Variants in PTPRQ observed in about 807,000 individuals in gnomAD.
The protein encoded by PTPRQ is phosphatidylinositol phosphatase PTPRQ.
PTPRQ carries 199 observed loss-of-function variants against 246.0 expected under a neutral mutation model. That is an observed-to-expected ratio of 0.81 (90% CI 0.72 to 0.91). The LOEUF (loss-of-function observed/expected upper bound fraction) is 0.91, where lower values mean the gene tolerates loss of function less well. Ranked by LOEUF, PTPRQ falls within the 40% of genes least tolerant of loss-of-function variation. PTPRQ has a pLI of 0.00. For missense variants in PTPRQ, 2,624 were observed against 2,528.4 expected, an observed-to-expected ratio of 1.04 and a Z score of -0.81; for synonymous variants, 869 against 853.2, an observed-to-expected ratio of 1.02 and a Z score of -0.32.
chr12:80,519,939 T>C (rs1312746136), intron 17 of PTPRQ, among the ~76,000 whole-genome samples: 2 of 152,076 alleles, frequency 1.3e-5, no homozygotes, highest in African/African-American at 4.8e-5. Context: ...TGTTTTAATA[T>C]TGCTTATCTT....
At chr12:80,615,165 A>G (rs1197905292) in intron 29 of PTPRQ, among the ~76,000 whole-genome samples, 1 of 150,976 alleles carries the variant, frequency 6.6e-6, no homozygotes, top group Admixed American at 6.6e-5. Flanking sequence ...AAAATAATGG[A>G]CCATACTATA....
intron 8 of PTPRQ, among the ~76,000 whole-genome samples, chr12:80,480,791 C>T (rs901424737): frequency 1.3e-5 from 2 of 152,146 alleles, no homozygotes; most frequent in African/African-American, 4.8e-5. Flanking sequence ...GAATAAATTC[C>T]TCGACACATA....
At chr12:80,558,137 T>TTTCTTTCTTTCCTTTCCTTTC (rs1896708068) in intron 25 of PTPRQ, among the ~76,000 whole-genome samples, 1 of 128,544 alleles carries the variant, frequency 7.8e-6, no homozygotes, top group African/African-American at 3.8e-5. Flanking sequence ...TCTTTTCTTT[T>TTTCTTTCTTTCCTTTCCTTTC]CTTTTCTTTT....
chr12:80,669,338 G>C lies in PTPRQ; in HGVS notation c.6328-1G>C. The C allele has an allele frequency of 1.9e-6, 3 of 1,549,368 alleles. No individual in the cohort carries two copies. Among genetic ancestry groups the C allele is most frequent in the Non-Finnish European group, 2.6e-6 (3 of 1,145,874 alleles). On this transcript the variant is annotated splice_acceptor_variant, in intron 40 of 44. Coordinates refer to ENST00000644991, the MANE Select transcript of PTPRQ (RefSeq NM_001145026.2). LOFTEE classifies it high-confidence loss of function. ...TGACTGATGATTTTCTCTGAATGCA[G>C]ATCAGATGCCATCAGTATTGGCCAG...
At chr12:80,542,942 T>C in intron 23 of PTPRQ, 61 bp downstream of exon 23, 2 of 1,184,810 alleles carry the variant, frequency 1.7e-6, no homozygotes, top group Non-Finnish European at 2.3e-6. Context: ...TTAAAATCTT[T>C]TGACATATAG....
intron 25 of PTPRQ, among the ~76,000 whole-genome samples, chr12:80,568,632 A>C (rs1897049253): frequency 6.6e-6 from 1 of 152,212 alleles, no homozygotes; most frequent in African/African-American, 2.4e-5. Context: ...TGTTATATTC[A>C]AATTTCATTT....
chr12:80,487,509 C>T (rs61950957), intron 9 of PTPRQ, among the ~76,000 whole-genome samples: 52 of 152,056 alleles, frequency 3.4e-4, no homozygotes, highest in Non-Finnish European at 6.3e-4. Flanking sequence ...TCTAAGAAAC[C>T]ATGGTCCAGA....
chr12:80,587,238 T>G (rs1031701436), intron 25 of PTPRQ, among the ~76,000 whole-genome samples: 1 of 152,206 alleles, frequency 6.6e-6, no homozygotes, highest in African/African-American at 2.4e-5. Flanking sequence ...TTTATTAATT[T>G]TCTTATTTTA....
intron 34 of PTPRQ, among the ~76,000 whole-genome samples, chr12:80,633,854 A>G (rs1215670944): frequency 6.6e-6 from 1 of 152,080 alleles, no homozygotes; most frequent in African/African-American, 2.4e-5. Context: ...CTGACTTCTC[A>G]TTTCTCTACA....
chr12:80,654,342 C>A (rs563302558), intron 38 of PTPRQ, among the ~76,000 whole-genome samples: 22 of 152,288 alleles, frequency 1.4e-4, no homozygotes, highest in African/African-American at 5.3e-4. Flanking sequence ...TTTTTCAACG[C>A]ATCCTTTTAT....
At chr12:80,506,419 T>A in intron 15 of PTPRQ, 150 bp from the exon 16 acceptor site, 1 of 812,988 alleles carries the variant, frequency 1.2e-6, no homozygotes, top group East Asian at 2.7e-5. Context: ...TTTGTCTTCA[T>A]AAATAAGAGC....
chr12:80,544,521 G>A (rs1029128905), intron 23 of PTPRQ, among the ~76,000 whole-genome samples: 5 of 152,100 alleles, frequency 3.3e-5, no homozygotes, highest in Non-Finnish European at 4.4e-5. Flanking sequence ...CATCATTTGG[G>A]ATGGGCAGTA....
At chr12:80,517,617 T>A (rs933646422) in intron 17 of PTPRQ, among the ~76,000 whole-genome samples, 1 of 152,038 alleles carries the variant, frequency 6.6e-6, no homozygotes, top group African/African-American at 2.4e-5. Flanking sequence ...TCTATTTTTT[T>A]ATACCCATTA....
At chr12:80,657,842 A>G (rs964067265) in intron 38 of PTPRQ, 143 bp from the exon 39 acceptor site, 3 of 470,954 alleles carry the variant, frequency 6.4e-6, no homozygotes, top group African/African-American at 6.2e-5. Context: ...GAAATATGGG[A>G]GAAGAAATAA....
rs1344649121 is a variant in PTPRQ at position 80,472,131 on chromosome 12, G to C, written c.1066G>C (p.Asp356His). Reference protein sequence around the residue: ...SGRILDNSTKDLKFAFTNLTP... With the variant: ...SGRILDNSTKHLKFAFTNLTP... Reference sequence around the variant, plus strand: ...TCGCATTTTGGATAACAGCACAAAAGACCTCAAGTTTGCATTCACTAACCT... The same window carrying C: ...TCGCATTTTGGATAACAGCACAAAACACCTCAAGTTTGCATTCACTAACCT... Residue 356 changes from aspartate to histidine, a missense_variant, in exon 8 of 45, where the codon GAC becomes CAC. By Grantham distance (81) the Asp-to-His change is moderately conservative. Transcript: ENST00000644991. 1.9e-6 allele frequency: 3 copies of C among 1,551,302 alleles called. 1 individual carries two copies. In the Admixed American group the frequency reaches 5.9e-5, roughly 30 times the overall value.
chr12:80,634,763 G>A (rs1008640792), intron 34 of PTPRQ, 182 bp from the exon 35 acceptor site: 1 of 824,434 alleles, frequency 1.2e-6, no homozygotes. Context: ...AAGTAGAATA[G>A]GTTCTATGGA....
At chr12:80,537,040 G>A (rs1476962769) in intron 19 of PTPRQ, among the ~76,000 whole-genome samples, 1 of 152,116 alleles carries the variant, frequency 6.6e-6, no homozygotes, top group Non-Finnish European at 1.5e-5. Context: ...TGTGTAATAT[G>A]ATCTAATTTG....
chr12:80,647,642 C>G (rs1223341682), intron 35 of PTPRQ, among the ~76,000 whole-genome samples: 2 of 152,096 alleles, frequency 1.3e-5, no homozygotes, highest in Admixed American at 1.3e-4. Flanking sequence ...TTTTCCCTTC[C>G]CCAAATCAAA....
chr12:80,619,554 T>A lies in PTPRQ; in HGVS notation c.5389+12T>A. ...GACAGAAACAGGAGGTATCATCACA[T>A]GTCAATTTATCTTGTTAAATTGTGG... On this transcript the variant is annotated intron_variant, in intron 31 of 44. Coordinates refer to ENST00000644991, the MANE Select transcript of PTPRQ (RefSeq NM_001145026.2). The A allele has an allele frequency of 6.6e-7, 1 of 1,506,694 alleles. No homozygotes were observed. Among genetic ancestry groups the A allele is most frequent in the South Asian group, 1.3e-5 (1 of 75,288 alleles). 93.3% of individuals were successfully genotyped at this position (1,506,694 alleles called of 1,614,324 possible).
Sources: gnomAD v4.1 joint callset for allele counts (sites outside exome capture counted in the v4.1 genomes callset) on GRCh38, gnomAD v4.1.1 for gene constraint, MANE v1.5 for transcripts, NCBI Gene and HGNC (gene_info 2026-07-23, HGNC 2026-07-21) for gene names.